Variants in TMEM163 observed in about 807,000 individuals in gnomAD.
The protein encoded by TMEM163 is transmembrane protein 163.
Under a neutral mutation model 29.3 loss-of-function variants are expected in TMEM163, and 17 were observed. The ratio of observed to expected loss-of-function variants is 0.58; its 90% CI spans 0.40 to 0.87. TMEM163 has a LOEUF of 0.87. Ranked by LOEUF, TMEM163 falls within the 40% of genes least tolerant of loss-of-function variation. TMEM163 has a pLI of 0.00. For missense variants in TMEM163, 303 were observed against 381.5 expected (o/e 0.79, Z 1.71); for synonymous variants, 157 against 160.6 (o/e 0.98, Z 0.17).
chr2:134,672,193 TGAA>T (rs1254408474), intron 2 of TMEM163, among the ~76,000 whole-genome samples: 2 of 152,216 alleles, frequency 1.3e-5, no homozygotes, highest in Non-Finnish European at 2.9e-5. Context: ...TTAGCTTTAC[TGAA>T]GAAGAACAGA....
At chr2:134,644,839 C>T (rs1574304845) in intron 2 of TMEM163, among the ~76,000 whole-genome samples, 5 of 152,204 alleles carry the variant, frequency 3.3e-5, no homozygotes, top group Admixed American at 3.3e-4. Flanking sequence ...CAAGCTACCA[C>T]TGGGAGATAA....
chr2:134,516,780 C>CATATATATATATGCATATATATGAATAT lies in TMEM163; in HGVS notation c.459-13784_459-13783insATATTCATATATATGCATATATATATAT, dbSNP rs1553476350. On this transcript the variant is annotated intron_variant, in intron 4 of 7. Transcript: ENST00000281924. Reference sequence around the variant, plus strand: ...ATAGATATATATGTGCATATCTATTCATATATATATGCATGTATGTATGAA... The same window carrying CATATATATATATGCATATATATGAATAT: ...ATAGATATATATGTGCATATCTATTCATATATATATATGCATATATATGAATATATATATATATGCATGTATGTATGAA... 3.6e-5 allele frequency among the ~76,000 whole-genome samples: 5 copies of CATATATATATATGCATATATATGAATAT among 139,452 alleles called. No individual in the cohort carries two copies. In the South Asian group the frequency reaches 7.0e-4, roughly 20 times the overall value. 91.5% of individuals were successfully genotyped at this position (139,452 alleles called of 152,430 possible).
intron 3 of TMEM163, 105 bp downstream of exon 3, chr2:134,551,943 A>C (rs1680939614): frequency 2.4e-6 from 2 of 837,698 alleles, no homozygotes; most frequent in African/African-American, 1.7e-5. Flanking sequence ...TTCTCATGCT[A>C]AGCTCTCATA....
chr2:134,696,438 AG>A (rs1379665134), intron 2 of TMEM163, among the ~76,000 whole-genome samples: 1 of 152,190 alleles, frequency 6.6e-6, no homozygotes, highest in Non-Finnish European at 1.5e-5. Context: ...CACTGGAAAA[AG>A]CCTATTGGAA....
intron 2 of TMEM163, among the ~76,000 whole-genome samples, chr2:134,603,445 G>C (rs1236068240): frequency 1.3e-5 from 2 of 152,174 alleles, no homozygotes; most frequent in Non-Finnish European, 2.9e-5. Flanking sequence ...CCCTAGTAAA[G>C]AAGCCCCATC....
chr2:134,518,025 T>C (rs557707433), intron 4 of TMEM163, among the ~76,000 whole-genome samples: 1 of 152,260 alleles, frequency 6.6e-6, no homozygotes, highest in Admixed American at 6.5e-5. Flanking sequence ...TACACTCTAC[T>C]ATTTTGAAAG....
At chr2:134,576,969 A>C (rs1034392992) in intron 2 of TMEM163, among the ~76,000 whole-genome samples, 3 of 152,128 alleles carry the variant, frequency 2.0e-5, no homozygotes, top group African/African-American at 7.2e-5. Flanking sequence ...ATCACATTCC[A>C]TCCCAACTAT....
At chr2:134,633,972 T>C (rs1226550415) in intron 2 of TMEM163, among the ~76,000 whole-genome samples, 15 of 3,792 alleles carry the variant, frequency 4.0e-3, no homozygotes, top group African/African-American at 0.026. Context: ...AATACATATA[T>C]ATATATATAT....
chr2:134,602,161 C>T (rs1247791035), intron 2 of TMEM163, among the ~76,000 whole-genome samples: 2 of 152,090 alleles, frequency 1.3e-5, no homozygotes, highest in Non-Finnish European at 2.9e-5. Flanking sequence ...AGGTGCAGAC[C>T]CTGTAACTGG....
At chr2:134,506,829 G>A (rs548926673) in intron 4 of TMEM163, among the ~76,000 whole-genome samples, 1 of 152,306 alleles carries the variant, frequency 6.6e-6, no homozygotes, top group South Asian at 2.1e-4. Flanking sequence ...GACGGGTGGG[G>A]GCCAAAGGGT....
chr2:134,557,259 C>T (rs1482807691), intron 2 of TMEM163, among the ~76,000 whole-genome samples: 1 of 152,182 alleles, frequency 6.6e-6, no homozygotes, highest in Non-Finnish European at 1.5e-5. Flanking sequence ...TTGAAAACAA[C>T]CAGAAAAAAA....
intron 5 of TMEM163, among the ~76,000 whole-genome samples, chr2:134,496,156 G>A (rs924165116): frequency 7.9e-5 from 12 of 151,938 alleles, no homozygotes; most frequent in Non-Finnish European, 1.6e-4. Flanking sequence ...CCACCTCCAG[G>A]GTTCAACCAA....
intron 2 of TMEM163, among the ~76,000 whole-genome samples, chr2:134,608,908 A>C (rs1682424980): frequency 3.2e-5 from 2 of 63,028 alleles, no homozygotes; most frequent in Admixed American, 1.3e-4. Context: ...AGGAGGACAG[A>C]CCCCGAGAAC....
intron 4 of TMEM163, among the ~76,000 whole-genome samples, chr2:134,538,371 G>A (rs751610588): frequency 1.3e-5 from 2 of 152,144 alleles, no homozygotes; most frequent in East Asian, 1.9e-4. Context: ...AGATATAAAC[G>A]TCTGTTGTTT....
At chr2:134,622,019 G>A (rs1211688282) in intron 2 of TMEM163, among the ~76,000 whole-genome samples, 1 of 152,164 alleles carries the variant, frequency 6.6e-6, no homozygotes, top group Non-Finnish European at 1.5e-5. Flanking sequence ...AATTTATTAT[G>A]CTCATTGAAA....
rs952447830 is a variant in TMEM163, at chr2:134,625,299, A to C, written c.323-73208T>G. ...CAAAAAGCACTGCTCTGTTCTAAGA[A>C]GTCAATACACATGGATTGCCAAAGT... On this transcript the variant is annotated intron_variant, in intron 2 of 7. Coordinates refer to ENST00000281924, the MANE Select transcript of TMEM163 (RefSeq NM_030923.5). 8.5e-5 allele frequency among the ~76,000 whole-genome samples: 13 copies of C among 152,364 alleles called. 1 individual carries two copies. In the East Asian group the frequency reaches 2.3e-3, roughly 27 times the overall value.
At chr2:134,513,306 G>A (rs1679989494) in intron 4 of TMEM163, among the ~76,000 whole-genome samples, 1 of 152,178 alleles carries the variant, frequency 6.6e-6, no homozygotes, top group Non-Finnish European at 1.5e-5. Flanking sequence ...ACATCCAAGT[G>A]GTGGTGTTGA....
intron 4 of TMEM163, among the ~76,000 whole-genome samples, chr2:134,535,355 A>G (rs542851): frequency 0.18 from 27,765 of 152,200 alleles, 2,695 homozygotes; most frequent in South Asian, 0.24. Flanking sequence ...ATGTAGCAAC[A>G]AACACAAAAG....
intron 6 of TMEM163, chr2:134,459,220 T>G (rs957239009): frequency 3.9e-5 from 6 of 152,172 alleles, no homozygotes; most frequent in Non-Finnish European, 8.8e-5. Context: ...CCTGAGCAAA[T>G]CTACTCAGGA....
Sources: gnomAD v4.1 joint callset for allele counts (sites outside exome capture counted in the v4.1 genomes callset) on GRCh38, gnomAD v4.1.1 for gene constraint, MANE v1.5 for transcripts, NCBI Gene and HGNC (gene_info 2026-07-23, HGNC 2026-07-21) for gene names.